PCDH11X: variants seen among roughly 807,000 people sequenced by gnomAD.
PCDH11X encodes the protein protocadherin 11 X-linked, also known as protocadherin-11 X-linked.
PCDH11X carries 18 observed loss-of-function variants against 53.3 expected under a neutral mutation model. The ratio of observed to expected loss-of-function variants is 0.34; its 90% confidence interval spans 0.23 to 0.50. PCDH11X has a LOEUF of 0.50. Among genes scored for constraint, PCDH11X ranks in the 20% least tolerant of loss-of-function variants. PCDH11X has a pLI of 0.98. For synonymous variants in PCDH11X, 279 were observed against 393.3 expected (o/e 0.71, Z 3.44); for missense variants, 570 against 1,032.4 (o/e 0.55, Z 6.14).
intron 9 of PCDH11X, among the ~76,000 whole-genome samples, chrX:92,400,241 C>A (rs1223078376): frequency 2.7e-5 from 3 of 111,565 alleles, no homozygotes; most frequent in Non-Finnish European, 5.6e-5. Flanking sequence ...GCTGCGCTGT[C>A]AACTAATCAA....
intron 10 of PCDH11X, among the ~76,000 whole-genome samples, chrX:92,583,974 T>C (rs1300705863): frequency 9.2e-6 from 1 of 108,781 alleles, no homozygotes; most frequent in Non-Finnish European, 1.9e-5. Context: ...AAAATATAAA[T>C]AATAAGCTAT....
chrX:92,590,827 C>T (rs1924959444), intron 10 of PCDH11X, among the ~76,000 whole-genome samples: 1 of 110,616 alleles, frequency 9.0e-6, no homozygotes, highest in Admixed American at 9.6e-5. Context: ...AGGCTTAACT[C>T]AGAGAAGCCT....
intron 6 of PCDH11X, among the ~76,000 whole-genome samples, chrX:92,129,685 T>C (rs1377050594): frequency 9.0e-6 from 1 of 111,187 alleles, no homozygotes; most frequent in Non-Finnish European, 1.9e-5. Context: ...TAGAAAGACC[T>C]GTTTTCTCAG....
intron 1 of PCDH11X, among the ~76,000 whole-genome samples, chrX:91,797,088 A>G (rs916568800): frequency 9.1e-6 from 1 of 110,414 alleles, no homozygotes; most frequent in African/African-American, 3.3e-5. Context: ...TTAGGAGTGC[A>G]GAACACCGTG....
At chrX:91,811,449 G>C (rs1936290889) in intron 4 of PCDH11X, among the ~76,000 whole-genome samples, 154 bp downstream of exon 4, 1 of 108,993 alleles carries the variant, frequency 9.2e-6, no homozygotes, top group Admixed American at 9.8e-5. Flanking sequence ...AGTGAGATTG[G>C]ATGAGAGGAA....
intron 10 of PCDH11X, among the ~76,000 whole-genome samples, chrX:92,493,592 C>A (rs756499875): frequency 9.3e-6 from 1 of 107,914 alleles, no homozygotes; most frequent in Non-Finnish European, 1.9e-5. Flanking sequence ...CTCTGAAGAA[C>A]GCAGAAACTA....
chrX:92,132,622 A>AATATATATATACGTATATATAT (rs2065001926), intron 6 of PCDH11X, among the ~76,000 whole-genome samples: 1 of 83,775 alleles, frequency 1.2e-5, no homozygotes, highest in Non-Finnish European at 2.2e-5. Flanking sequence ...GAAAAAAAGA[A>AATATATATATACGTATATATAT]ATATATATAT....
intron 6 of PCDH11X, among the ~76,000 whole-genome samples, chrX:92,124,556 A>T (rs1358333230): frequency 1.8e-5 from 2 of 108,416 alleles, no homozygotes; most frequent in African/African-American, 6.8e-5. Flanking sequence ...AAAAAAAAAA[A>T]AAAATAGGCC....
Position 91,861,803 on chromosome X carries a change from T to C in PCDH11X, c.541-14978T>C, listed in dbSNP as rs1938691510. 3.6e-5 allele frequency among the ~76,000 whole-genome samples: 4 copies of C among 111,695 alleles called. No homozygotes were observed. In the Admixed American group the frequency reaches 3.8e-4, roughly 11 times the overall value. ...TGAGCAGAGTAGCACAATAACCTCC[T>C]CCCTTGGCTGAGGGTAGGAACTTCC... On this transcript the variant is annotated intron_variant, in intron 5 of 10. Transcript: ENST00000682573.
intron 7 of PCDH11X, among the ~76,000 whole-genome samples, chrX:92,202,928 C>A (rs1415376574): frequency 9.0e-6 from 1 of 111,109 alleles, no homozygotes; most frequent in Non-Finnish European, 1.9e-5. Context: ...GAGGCTGAGG[C>A]AGGAGAATGG....
intron 6 of PCDH11X, among the ~76,000 whole-genome samples, chrX:91,923,041 C>T (rs1026809504): frequency 1.9e-4 from 21 of 108,334 alleles, no homozygotes; most frequent in African/African-American, 7.1e-4. Context: ...ATTTTGTGGA[C>T]ATCAGTGTAA....
intron 10 of PCDH11X, among the ~76,000 whole-genome samples, chrX:92,560,762 C>A (rs1361246288): frequency 1.9e-5 from 2 of 104,354 alleles, no homozygotes; most frequent in Non-Finnish European, 3.9e-5. Context: ...CCAGCTTAGC[C>A]ACAATGGAAG....
intron 8 of PCDH11X, among the ~76,000 whole-genome samples, chrX:92,314,438 C>A (rs1603267659): frequency 9.0e-6 from 1 of 111,311 alleles, no homozygotes; most frequent in Non-Finnish European, 1.9e-5. Flanking sequence ...CAACTAATTT[C>A]TTTTCCAAAG....
At chrX:92,532,335 T>G (rs893757601) in intron 10 of PCDH11X, among the ~76,000 whole-genome samples, 7 of 111,427 alleles carry the variant, frequency 6.3e-5, no homozygotes, top group African/African-American at 2.0e-4. Context: ...TTCCTTCATT[T>G]CTTAAAGAAA....
chrX:91,834,247 G>C (rs1256968543), intron 4 of PCDH11X, among the ~76,000 whole-genome samples: 1 of 111,062 alleles, frequency 9.0e-6, no homozygotes, highest in Non-Finnish European at 1.9e-5. Context: ...TAGAGAATAA[G>C]AATTGAGAAT....
At chrX:92,486,377 A>T in intron 10 of PCDH11X, among the ~76,000 whole-genome samples, 1 of 111,500 alleles carries the variant, frequency 9.0e-6, no homozygotes, top group South Asian at 3.7e-4. Flanking sequence ...TGATTTTTTC[A>T]TCTGAAAATG....
At chrX:92,350,140 A>AT (rs750568595) in intron 8 of PCDH11X, among the ~76,000 whole-genome samples, 2 of 109,447 alleles carry the variant, frequency 1.8e-5, no homozygotes, top group African/African-American at 3.3e-5. Context: ...ATCTTGTTTC[A>AT]TTTTTTTGAT....
chrX:91,937,562 A>T (rs2061460146), intron 6 of PCDH11X, among the ~76,000 whole-genome samples: 2 of 111,069 alleles, frequency 1.8e-5, no homozygotes, highest in African/African-American at 6.5e-5. Flanking sequence ...ATCTAAAAAA[A>T]CTAATATAAG....
intron 6 of PCDH11X, among the ~76,000 whole-genome samples, chrX:92,132,699 A>T (rs1335539613): frequency 1.0e-5 from 1 of 96,291 alleles, no homozygotes; most frequent in Non-Finnish European, 2.0e-5. Flanking sequence ...ATATATATAT[A>T]TATATATGTA....
Sources: allele counts gnomAD v4.1 joint callset (sites outside exome capture counted in the v4.1 genomes callset), GRCh38; gene constraint gnomAD v4.1.1; transcripts MANE v1.5; gene names NCBI Gene and HGNC (gene_info 2026-07-23, HGNC 2026-07-21).